Variants in ADORA2B observed in about 807,000 individuals in gnomAD.
ADORA2B encodes the protein adenosine receptor A2b.
ADORA2B carries 18 observed loss-of-function variants against 20.8 expected under a neutral mutation model. That is an observed-to-expected ratio of 0.87 (90% CI 0.60 to 1.29). The LOEUF (loss-of-function observed/expected upper bound fraction) is 1.29. ADORA2B is among the 50% of genes most tolerant of loss of function. The probability of loss-of-function intolerance (pLI) is 0.00; values close to 1 mark genes in which losing one functional copy is unlikely to be tolerated. For synonymous variants in ADORA2B, 179 were observed against 178.3 expected, an observed-to-expected ratio of 1.00 and a Z score of -0.03; for missense variants, 441 against 422.7, an observed-to-expected ratio of 1.04 and a Z score of -0.38.
the ADORA2B span, among the ~76,000 whole-genome samples, chr17:15,931,377 A>C: frequency 6.6e-6 from 1 of 152,248 alleles, no homozygotes; most frequent in Non-Finnish European, 1.5e-5. Context: ...TCATGTGTGA[A>C]GTGAGATCTG....
At chr17:15,945,636 GGTC>G (rs965393659) in intron 1 of ADORA2B, 53 bp downstream of exon 1, 97 of 1,413,568 alleles carry the variant, frequency 6.9e-5, no homozygotes, top group Non-Finnish European at 8.3e-5. Context: ...CTCCGAAATG[GGTC>G]GTCTTCTCCA....
chr17:15,885,480 G>A, the ADORA2B span, among the ~76,000 whole-genome samples: 1 of 152,164 alleles, frequency 6.6e-6, no homozygotes, highest in Non-Finnish European at 1.5e-5. Flanking sequence ...TTGGGAGGCC[G>A]AAGTGGGCAG....
In ADORA2B at chr17:15,945,561, C is replaced by T. The variant is rs948955695; in HGVS notation, c.313C>T (p.Leu105=). Residue 105 remains leucine (L), a synonymous_variant, in exon 1 of 2, where the codon CTG becomes TTG. Transcript: ENST00000304222. ...TCTGGCCGTGGCAGTCGACAGATAC[C>T]TGGCCATCTGTGTCCCGCTCAGGTG... is the stretch of plus-strand genomic sequence containing the variant. The part of the protein sequence containing the change: ...SLLAVAVDRY[L]AICVPLRYKS... 4 of 1,568,344 alleles carry T rather than the reference C, an allele frequency of 2.6e-6. No homozygotes were observed. Among genetic ancestry groups the T allele is most frequent in the Admixed American group, 1.8e-5 (1 of 56,388 alleles).
chr17:15,948,404 G>GGGGGGGGGGGTGGC (rs924189170), intron 1 of ADORA2B, among the ~76,000 whole-genome samples: 2 of 21,892 alleles, frequency 9.1e-5, no homozygotes, highest in African/African-American at 6.5e-5. Context: ...CTGGCGGCGG[G>GGGGGGGGGGGTGGC]GGGCTCCAGT....
the ADORA2B span, among the ~76,000 whole-genome samples, chr17:15,893,468 C>CCCTT: frequency 0.088 from 13,106 of 148,816 alleles, 1,784 homozygotes; most frequent in African/African-American, 0.28. Flanking sequence ...AGATAATCAG[C>CCCTT]CCTTCCTTCC....
rs1468912584 is a variant in ADORA2B at position 15,945,517 on chromosome 17, A to G, written c.269A>G (p.Gln90Arg). The change falls in exon 1 of 2, where the codon CAG becomes CGG. Residue 90 changes from glutamine to arginine, a missense_variant. Physicochemically the swap from Gln to Arg is conservative, Grantham distance 43. Coordinates refer to ENST00000304222, the MANE Select transcript of ADORA2B (RefSeq NM_000676.4). ...GCCTGCTTCGTGCTGGTGCTCACGC[A>G]GAGCTCCATCTTCAGCCTTCTGGCC... ...FLACFVLVLT[Q>R]SSIFSLLAVA... 6.2e-7 allele frequency: 1 copy of G among 1,607,990 alleles called. No individual in the cohort carries two copies. The highest frequency in any genetic ancestry group is 1.3e-5 in the African/African-American group (1 of 74,866).
At chr17:15,919,325 G>T in the ADORA2B span, among the ~76,000 whole-genome samples, 1 of 152,174 alleles carries the variant, frequency 6.6e-6, no homozygotes, top group Non-Finnish European at 1.5e-5. Context: ...GCAACCCGTT[G>T]AGTCATTCCT....
Position 15,975,335 on chromosome 17 carries a change from G to A in ADORA2B, c.992G>A (p.Gly331Asp). The stretch of plus-strand genomic sequence containing the variant: ...GGGGTACAGCCTGCTCTCGGTGTGG[G>A]CCTATGATCTAGGCTCTCGCCTCTT... ...QAGVQPALGV[G>D]L Residue 331 changes from glycine (G) to aspartate (D), a missense_variant, in exon 2 of 2, where the codon GGC (glycine) becomes GAC (aspartate). Physicochemically the swap from Gly to Asp is moderately conservative, Grantham distance 94. Coordinates refer to ENST00000304222, the MANE Select transcript of ADORA2B (RefSeq NM_000676.4). 1 of 1,610,730 alleles carries A rather than the reference G, an allele frequency of 6.2e-7. No homozygotes were observed. Among genetic ancestry groups the A allele is most frequent in the Non-Finnish European group, 8.5e-7 (1 of 1,179,448 alleles).
the ADORA2B span, among the ~76,000 whole-genome samples, chr17:15,898,711 C>T: frequency 6.6e-5 from 10 of 152,004 alleles, no homozygotes; most frequent in Non-Finnish European, 1.2e-4. Context: ...TTGTCTAAAG[C>T]ACTACAGAAG....
chr17:15,896,470 C>T, the ADORA2B span, among the ~76,000 whole-genome samples: 177 of 152,018 alleles, frequency 1.2e-3, 1 homozygote, highest in Middle Eastern at 6.8e-3. Context: ...TGATCAGATG[C>T]AGGAGAAGAG....
chr17:15,929,789 T>C, the ADORA2B span, among the ~76,000 whole-genome samples: 2 of 152,276 alleles, frequency 1.3e-5, no homozygotes, highest in South Asian at 2.1e-4. Flanking sequence ...TCCTGTGTGA[T>C]TGCACCTACA....
chr17:15,924,739 CAA>C, the ADORA2B span, among the ~76,000 whole-genome samples: 1 of 121,054 alleles, frequency 8.3e-6, no homozygotes, highest in Non-Finnish European at 1.6e-5. Context: ...GACTCCATCT[CAA>C]AAAAAAAAAA....
chr17:15,962,260 G>A (rs1379691880), intron 1 of ADORA2B, among the ~76,000 whole-genome samples: 2 of 152,020 alleles, frequency 1.3e-5, no homozygotes, highest in South Asian at 2.1e-4. Context: ...CCAAGATCGC[G>A]CCACTGCACT....
chr17:15,915,307 G>A, the ADORA2B span, among the ~76,000 whole-genome samples: 1 of 152,218 alleles, frequency 6.6e-6, no homozygotes, highest in Non-Finnish European at 1.5e-5. Flanking sequence ...CTCATGTTAA[G>A]TAGATTGGGC....
the ADORA2B span, among the ~76,000 whole-genome samples, chr17:15,926,941 A>G: frequency 1.3e-5 from 2 of 152,164 alleles, no homozygotes; most frequent in Non-Finnish European, 2.9e-5. Flanking sequence ...TCTGCATTCC[A>G]GCCTCGGCAG....
intron 1 of ADORA2B, among the ~76,000 whole-genome samples, chr17:15,946,352 G>C (rs555751184): frequency 5.9e-5 from 9 of 152,188 alleles, no homozygotes; most frequent in Admixed American, 2.6e-4. Flanking sequence ...GAACTTACTT[G>C]TCCACTCTTT....
At position 15,945,542 on chromosome 17, in the gene ADORA2B, C is replaced by T. The variant is rs1353022656; in HGVS notation, c.294C>T (p.Ala98=). The change falls in exon 1 of 2, where the codon GCC becomes GCT. Residue 98 remains alanine (A), a synonymous_variant. Transcript: ENST00000304222. ...LTQSSIFSLL[A]VAVDRYLAIC... The stretch of plus-strand genomic sequence containing the variant: ...AGAGCTCCATCTTCAGCCTTCTGGC[C>T]GTGGCAGTCGACAGATACCTGGCCA... 6 of 1,590,966 alleles carry T rather than the reference C, an allele frequency of 3.8e-6. No homozygotes were observed. Among genetic ancestry groups the T allele is most frequent in the Admixed American group, 1.7e-5 (1 of 58,318 alleles).
chr17:15,896,322 T>C, the ADORA2B span, among the ~76,000 whole-genome samples: 1 of 151,992 alleles, frequency 6.6e-6, no homozygotes, highest in African/African-American at 2.4e-5. Flanking sequence ...TTTAAACATA[T>C]TAAAGAGATA....
At chr17:15,885,469 T>G in the ADORA2B span, among the ~76,000 whole-genome samples, 2 of 152,062 alleles carry the variant, frequency 1.3e-5, no homozygotes, top group African/African-American at 4.8e-5. Flanking sequence ...ACCTTAGCAT[T>G]TTGGGAGGCC....
Sources: allele counts gnomAD v4.1 joint callset (sites outside exome capture counted in the v4.1 genomes callset), GRCh38; gene constraint gnomAD v4.1.1; transcripts MANE v1.5; gene names NCBI Gene and HGNC (gene_info 2026-07-23, HGNC 2026-07-21).